The following PKIA variants were observed in gnomAD, a reference collection of about 807,000 sequenced individuals.
The protein encoded by PKIA is PKI-alpha.
Under a neutral mutation model 7.6 loss-of-function variants are expected in PKIA, and 4 were observed. The ratio of observed to expected loss-of-function variants is 0.52; its 90% CI spans 0.26 to 1.20. PKIA has a LOEUF of 1.20. Among genes scored for constraint, PKIA ranks in the 50% most tolerant of loss-of-function variants. The probability of loss-of-function intolerance (pLI) is 0.13; values close to 1 mark genes in which losing one functional copy is unlikely to be tolerated. For missense variants in PKIA, 73 were observed against 86.2 expected (o/e 0.85, Z 0.61); for synonymous variants, 21 against 30.7 (o/e 0.68, Z 1.04).
intron 1 of PKIA, among the ~76,000 whole-genome samples, chr8:78,561,635 T>C (rs967074576): frequency 1.3e-5 from 2 of 152,164 alleles, no homozygotes; most frequent in Admixed American, 1.3e-4. Flanking sequence ...AGTAGGGCCA[T>C]TGTAGTCAGT....
intron 1 of PKIA, among the ~76,000 whole-genome samples, chr8:78,559,049 G>C (rs530563566): frequency 6.6e-6 from 1 of 152,254 alleles, no homozygotes; most frequent in Admixed American, 6.5e-5. Context: ...AGCCTCCCGA[G>C]TAGCTGGAAT....
chr8:78,573,080 T>A (rs1289308221), intron 2 of PKIA, 141 bp downstream of exon 2: 1 of 152,052 alleles, frequency 6.6e-6, no homozygotes, highest in Non-Finnish European at 1.5e-5. Flanking sequence ...GGTTGTGATG[T>A]TTATCAGACA....
intron 2 of PKIA, among the ~76,000 whole-genome samples, chr8:78,576,475 G>A (rs1472831306): frequency 5.3e-5 from 8 of 150,050 alleles, no homozygotes. Flanking sequence ...GTTTTTAAAT[G>A]TTGTAGATCA....
chr8:78,569,588 A>G (rs1279655455), intron 1 of PKIA, among the ~76,000 whole-genome samples: 1 of 152,168 alleles, frequency 6.6e-6, no homozygotes, highest in Non-Finnish European at 1.5e-5. Flanking sequence ...TAATGTTCAC[A>G]ATACAATTGA....
intron 2 of PKIA, among the ~76,000 whole-genome samples, chr8:78,580,875 T>C (rs574517391): frequency 6.6e-6 from 1 of 152,076 alleles, no homozygotes; most frequent in Non-Finnish European, 1.5e-5. Flanking sequence ...TTTCAATATA[T>C]TTAGCAAATA....
chr8:78,588,384 G>A (rs1252326583), intron 2 of PKIA, among the ~76,000 whole-genome samples: 1 of 152,190 alleles, frequency 6.6e-6, no homozygotes, highest in Non-Finnish European at 1.5e-5. Flanking sequence ...GGAGGCTGAG[G>A]CAGGAGCATC....
In PKIA at chr8:78,598,673, G is replaced by A. The variant is rs1808284256; in HGVS notation, c.151+138G>A. ...TTAAACAATCTAAGGCAAGATGAAA[G>A]TCTGAGACTAATCTCTTAATCACTC... On this transcript the variant is annotated intron_variant, in intron 3 of 3. Transcript: ENST00000396418. 4 of 652,166 alleles carry A rather than the reference G, an allele frequency of 6.1e-6. No individual in the cohort carries two copies. In the East Asian group the frequency reaches 1.1e-4, roughly 18 times the overall value. 40.4% of individuals were successfully genotyped at this position (652,166 alleles called of 1,614,324 possible). A position where few individuals can be genotyped will look rare whatever the true frequency, so the allele number is the denominator to read the frequency against.
chr8:78,533,872 AC>A (rs1450337665), intron 1 of PKIA: 1 of 152,110 alleles, frequency 6.6e-6, no homozygotes, highest in Non-Finnish European at 1.5e-5. Flanking sequence ...ACAAAAAGAC[AC>A]AAGAAAAGGG....
chr8:78,529,592 TCAAA>T (rs1020642066), intron 1 of PKIA, among the ~76,000 whole-genome samples: 3 of 152,138 alleles, frequency 2.0e-5, no homozygotes, highest in South Asian at 2.1e-4. Context: ...TATGAAATGA[TCAAA>T]CAAACAAAAG....
chr8:78,531,024 C>G (rs1270062266), intron 1 of PKIA, among the ~76,000 whole-genome samples: 1 of 151,962 alleles, frequency 6.6e-6, no homozygotes, highest in Non-Finnish European at 1.5e-5. Flanking sequence ...ACCCTTTCGC[C>G]GCCTACAAGA....
Position 78,602,694 on chromosome 8 carries a change from A to T in PKIA, c.*873A>T, listed in dbSNP as rs566697950. ...CTCAAGTGGAGAACTTCTCCCACAT[A>T]ATATATATATATATATATATTTTAA... is the stretch of plus-strand genomic sequence containing the variant. On this transcript the variant is annotated 3_prime_UTR_variant, in exon 4 of 4. Transcript: ENST00000396418. 1.4e-3 allele frequency: 189 copies of T among 136,970 alleles called. No individual in the cohort carries two copies. The Middle Eastern group carries it at 0.026, about 19-fold the overall frequency. The allele number at this position is 136,970 out of a possible 1,614,324, so 8.5% of individuals were successfully genotyped here.
intron 1 of PKIA, among the ~76,000 whole-genome samples, chr8:78,565,447 A>G (rs1463294695): frequency 1.3e-5 from 2 of 152,016 alleles, no homozygotes; most frequent in African/African-American, 4.8e-5. Flanking sequence ...GTCTTCTGTT[A>G]TAAGGATTTT....
chr8:78,595,803 TTTG>T (rs755929413), intron 2 of PKIA, among the ~76,000 whole-genome samples: 3 of 152,198 alleles, frequency 2.0e-5, no homozygotes, highest in Non-Finnish European at 2.9e-5. Flanking sequence ...ATTCTGTGTC[TTTG>T]TTATTGTGAA....
intron 1 of PKIA, among the ~76,000 whole-genome samples, chr8:78,565,302 TG>T (rs1354828719): frequency 6.6e-6 from 1 of 152,020 alleles, no homozygotes; most frequent in African/African-American, 2.4e-5. Flanking sequence ...TTCATTATCC[TG>T]CCCTTCACAG....
At chr8:78,540,828 T>TATG (rs1323510457) in intron 1 of PKIA, among the ~76,000 whole-genome samples, 3 of 152,010 alleles carry the variant, frequency 2.0e-5, no homozygotes, top group Non-Finnish European at 4.4e-5. Flanking sequence ...TTTATAATTA[T>TATG]TACATTTGAG....
At position 78,598,542 on chromosome 8, in the gene PKIA, C is replaced by A; in HGVS notation, c.151+7C>A. 6.2e-7 allele frequency: 1 copy of A among 1,600,164 alleles called. No homozygotes were observed. Among genetic ancestry groups the A allele is most frequent in the South Asian group, 1.1e-5 (1 of 89,698 alleles). On this transcript the variant is annotated splice_region_variant and intron_variant, in intron 3 of 3. Transcript: ENST00000396418. Reference sequence around the variant, plus strand: ...CTTGATATCAACAAGACAGGTAAGTCATCTGGCACACATTTCTCTATGAGC... The same window carrying A: ...CTTGATATCAACAAGACAGGTAAGTAATCTGGCACACATTTCTCTATGAGC...
At chr8:78,586,607 T>C (rs946042543) in intron 2 of PKIA, among the ~76,000 whole-genome samples, 2 of 152,214 alleles carry the variant, frequency 1.3e-5, no homozygotes, top group African/African-American at 4.8e-5. Flanking sequence ...CAATTAATAC[T>C]CTGCATAGGA....
intron 2 of PKIA, among the ~76,000 whole-genome samples, chr8:78,573,238 A>AT (rs1396118145): frequency 6.6e-6 from 1 of 151,982 alleles, no homozygotes; most frequent in African/African-American, 2.4e-5. Flanking sequence ...CCCTTTCAGT[A>AT]TTTTCTTTTA....
intron 1 of PKIA, among the ~76,000 whole-genome samples, chr8:78,518,150 G>T (rs1178882080): frequency 6.6e-6 from 1 of 152,142 alleles, no homozygotes. Context: ...ATTTGAATTT[G>T]TTTCTTTGTC....
Sources: allele counts gnomAD v4.1 joint callset (sites outside exome capture counted in the v4.1 genomes callset), GRCh38; gene constraint gnomAD v4.1.1; transcripts MANE v1.5; gene names NCBI Gene and HGNC (gene_info 2026-07-23, HGNC 2026-07-21).